Variants in TBL1X observed in about 807,000 individuals in gnomAD.
TBL1X encodes the protein F-box-like/WD repeat-containing protein TBL1X.
A neutral mutation model predicts 50.7 loss-of-function variants in TBL1X; 10 were observed. The observed-to-expected ratio is 0.20, with a 90% CI of 0.12 to 0.33. The LOEUF is 0.33. TBL1X is among the 10% of genes least tolerant of loss of function. TBL1X has a pLI of 1.00. For missense variants in TBL1X, 340 were observed against 504.4 expected (o/e 0.67, Z 3.12); for synonymous variants, 190 against 214.7 (o/e 0.88, Z 1.01).
intron 5 of TBL1X, among the ~76,000 whole-genome samples, chrX:9,664,968 A>T (rs897557300): frequency 9.0e-6 from 1 of 110,976 alleles, no homozygotes; most frequent in East Asian, 2.9e-4. Flanking sequence ...GGTAAAATCA[A>T]TGTCAGTTAA....
Position 9,716,656 on chromosome X carries a change from G to A in TBL1X, c.*410G>A, listed in dbSNP as rs2083280554. On this transcript the variant is annotated 3_prime_UTR_variant, in exon 18 of 18. Transcript: ENST00000645353. The stretch of plus-strand genomic sequence containing the variant: ...GGAAGGGGGAAAAACCCTCCTCCTT[G>A]GGATTTTTTTTTTTTGTTTTCCCTA... The A allele has an allele frequency of 9.7e-6, 1 of 102,863 alleles. No individual in the cohort carries two copies. The highest frequency in any genetic ancestry group is 1.9e-5 in the Non-Finnish European group (1 of 53,337). The allele number at this position is 102,863 out of a possible 1,213,427, so 8.5% of individuals were successfully genotyped here. A position where few individuals can be genotyped will look rare whatever the true frequency, so the allele number is the denominator to read the frequency against.
chrX:9,642,466 A>G (rs763594269), intron 3 of TBL1X, among the ~76,000 whole-genome samples: 19 of 111,981 alleles, frequency 1.7e-4, no homozygotes, highest in African/African-American at 5.8e-4. Context: ...GTTTCAACAC[A>G]TGTCCTCCTT....
At chrX:9,653,377 C>T (rs1243097190) in intron 3 of TBL1X, among the ~76,000 whole-genome samples, 168 bp from the exon 4 acceptor site, 5 of 112,618 alleles carry the variant, frequency 4.4e-5, no homozygotes, top group Non-Finnish European at 9.4e-5. Context: ...TCTGTCTTGG[C>T]TGTCTCACAC....
At chrX:9,630,626 T>G (rs753865372) in intron 2 of TBL1X, among the ~76,000 whole-genome samples, 4 of 112,398 alleles carry the variant, frequency 3.6e-5, no homozygotes, top group Non-Finnish European at 7.5e-5. Flanking sequence ...CTTTCTTTTT[T>G]TGACACAGGG....
intron 3 of TBL1X, among the ~76,000 whole-genome samples, chrX:9,651,714 G>A (rs759754212): frequency 5.3e-5 from 6 of 112,478 alleles, no homozygotes; most frequent in Admixed American, 9.4e-5. Context: ...CAGAGTTCAA[G>A]CACAAATCCT....
chrX:9,596,985 T>C (rs1280085953), intron 2 of TBL1X, among the ~76,000 whole-genome samples: 3 of 111,384 alleles, frequency 2.7e-5, no homozygotes, highest in African/African-American at 9.8e-5. Context: ...GGCCCATGGT[T>C]TCCTATAATG....
In TBL1X at chrX:9,694,914, G is replaced by A. The variant is rs781584647; in HGVS notation, c.1053+1495G>A. ...TTTGAACCTGGGGTGAGCCCAGATCGCGCCACTGCACTCCAGCCTGGGCAA... is the reference window on the plus strand; with the variant it reads ...TTTGAACCTGGGGTGAGCCCAGATCACGCCACTGCACTCCAGCCTGGGCAA... On this transcript the variant is annotated intron_variant, in intron 11 of 17. Transcript: ENST00000645353. 4.7e-4 allele frequency among the ~76,000 whole-genome samples: 52 copies of A among 110,377 alleles called. No individual in the cohort carries two copies. In the South Asian group the frequency reaches 9.5e-3, roughly 20 times the overall value.
At chrX:9,663,003 T>C (rs756746483) in intron 5 of TBL1X, among the ~76,000 whole-genome samples, 2 of 111,615 alleles carry the variant, frequency 1.8e-5, no homozygotes, top group East Asian at 2.8e-4. Context: ...TTTTATGTTA[T>C]ATATATTTTA....
chrX:9,652,971 C>T (rs1381308273), intron 3 of TBL1X, among the ~76,000 whole-genome samples: 1 of 111,341 alleles, frequency 9.0e-6, no homozygotes, highest in Non-Finnish European at 1.9e-5. Flanking sequence ...TCGAGACCAT[C>T]CTGGCCAACA....
intron 2 of TBL1X, among the ~76,000 whole-genome samples, chrX:9,616,960 A>G (rs915930654): frequency 9.0e-6 from 1 of 111,629 alleles, no homozygotes; most frequent in Non-Finnish European, 1.9e-5. Context: ...CTTATGGTGA[A>G]CTTTTTTACC....
At chrX:9,512,014 C>T (rs1037351928) in intron 2 of TBL1X, among the ~76,000 whole-genome samples, 2 of 111,328 alleles carry the variant, frequency 1.8e-5, no homozygotes, top group African/African-American at 6.5e-5. Context: ...ACACATGCCA[C>T]CACTCCCAGC....
At chrX:9,706,605 C>G (rs1416326813) in intron 13 of TBL1X, among the ~76,000 whole-genome samples, 1 of 111,532 alleles carries the variant, frequency 9.0e-6, no homozygotes, top group Non-Finnish European at 1.9e-5. Flanking sequence ...ACAATGGGAA[C>G]AACAGCTGAC....
At chrX:9,618,908 T>A (rs2082652771) in intron 2 of TBL1X, among the ~76,000 whole-genome samples, 1 of 111,874 alleles carries the variant, frequency 8.9e-6, no homozygotes, top group South Asian at 3.8e-4. Flanking sequence ...GTGAAAATAC[T>A]CTTAATTAAG....
chrX:9,659,266 T>C (rs1208724136), intron 5 of TBL1X, among the ~76,000 whole-genome samples: 1 of 112,444 alleles, frequency 8.9e-6, no homozygotes. Context: ...TGTACTCAGC[T>C]CCTCTTCCAC....
At chrX:9,700,462 A>G (rs1470383635) in intron 12 of TBL1X, among the ~76,000 whole-genome samples, 1 of 111,757 alleles carries the variant, frequency 8.9e-6, no homozygotes, top group Non-Finnish European at 1.9e-5. Flanking sequence ...CACAAACCAC[A>G]TTGTTCTGAA....
At chrX:9,564,148 G>A (rs2082336867) in intron 2 of TBL1X, among the ~76,000 whole-genome samples, 1 of 112,556 alleles carries the variant, frequency 8.9e-6, no homozygotes, top group African/African-American at 3.2e-5. Flanking sequence ...GGCCGGGCGT[G>A]GTGGCTCATG....
intron 1 of TBL1X, among the ~76,000 whole-genome samples, chrX:9,482,319 C>G (rs192578833): frequency 1.8e-5 from 2 of 111,668 alleles, no homozygotes; most frequent in East Asian, 5.6e-4. Flanking sequence ...TAAATTGTGC[C>G]CAGTGTTAAT....
intron 2 of TBL1X, among the ~76,000 whole-genome samples, chrX:9,610,848 G>T (rs948110633): frequency 5.3e-4 from 59 of 112,166 alleles, no homozygotes; most frequent in African/African-American, 1.9e-3. Context: ...ATTTTGGGTC[G>T]GAGCATCTGT....
chrX:9,686,028 C>G (rs938989451), intron 6 of TBL1X, among the ~76,000 whole-genome samples: 1 of 111,805 alleles, frequency 8.9e-6, no homozygotes, highest in Admixed American at 9.4e-5. Context: ...TCCCTGTTTT[C>G]TTTCTTGCAC....
Sources: gnomAD v4.1 joint callset for allele counts (sites outside exome capture counted in the v4.1 genomes callset) on GRCh38, gnomAD v4.1.1 for gene constraint, MANE v1.5 for transcripts, NCBI Gene and HGNC (gene_info 2026-07-23, HGNC 2026-07-21) for gene names.